Variants in LRRC37A2 observed in about 807,000 individuals in gnomAD.
LRRC37A2 encodes the protein leucine-rich repeat-containing protein 37A2.
LRRC37A2 carries 9 observed loss-of-function variants against 68.8 expected under a neutral mutation model. The observed-to-expected ratio is 0.13, with a 90% CI of 0.08 to 0.23. The LOEUF is 0.23. Ranked by LOEUF, LRRC37A2 falls within the 10% of genes least tolerant of loss-of-function variation. The pLI, the probability that LRRC37A2 is intolerant of heterozygous loss-of-function variation, is 1.00. For synonymous variants in LRRC37A2, 63 were observed against 367.6 expected, an observed-to-expected ratio of 0.17 and a Z score of 9.48; for missense variants, 168 against 950.4, an observed-to-expected ratio of 0.18 and a Z score of 10.82.
the LRRC37A2 span, chr17:46,728,833 C>T: frequency 6.6e-7 from 1 of 1,512,888 alleles, no homozygotes; most frequent in East Asian, 2.3e-5. Context: ...AATCCCTAAA[C>T]ATAATAATGT....
chr17:46,735,907 T>C, the LRRC37A2 span, among the ~76,000 whole-genome samples: 1 of 152,160 alleles, frequency 6.6e-6, no homozygotes, highest in Admixed American at 6.5e-5. Flanking sequence ...ATTGTACCAC[T>C]GCACTCCATC....
chr17:46,493,425 G>T, the LRRC37A2 span, among the ~76,000 whole-genome samples: 3 of 132,778 alleles, frequency 2.3e-5, no homozygotes, highest in Admixed American at 1.5e-4. Flanking sequence ...GCCTCCCAAA[G>T]TGCTGAGATT....
chr17:46,960,618 C>G, the LRRC37A2 span, among the ~76,000 whole-genome samples: 1 of 152,074 alleles, frequency 6.6e-6, no homozygotes, highest in Non-Finnish European at 1.5e-5. Context: ...CAACTGAAGA[C>G]AGATAAAAAT....
At chr17:46,500,573 C>G in the LRRC37A2 span, among the ~76,000 whole-genome samples, 1 of 150,586 alleles carries the variant, frequency 6.6e-6, no homozygotes, top group Non-Finnish European at 1.5e-5. Context: ...TAGAAATCAC[C>G]TGAAGATTGT....
the LRRC37A2 span, among the ~76,000 whole-genome samples, chr17:46,853,776 C>G: frequency 6.6e-6 from 1 of 152,134 alleles, no homozygotes; most frequent in Non-Finnish European, 1.5e-5. Flanking sequence ...TATCCTCTTA[C>G]ACACTGGCTC....
At chr17:47,023,484 C>A in the LRRC37A2 span, among the ~76,000 whole-genome samples, 2 of 152,186 alleles carry the variant, frequency 1.3e-5, no homozygotes, top group Admixed American at 6.5e-5. Context: ...AGTTTGAGAC[C>A]AGCCTGGCCG....
the LRRC37A2 span, among the ~76,000 whole-genome samples, chr17:46,994,458 G>T: frequency 6.6e-6 from 1 of 152,106 alleles, no homozygotes; most frequent in Non-Finnish European, 1.5e-5. Context: ...CAGGAAGAAA[G>T]GAATGGGGGA....
the LRRC37A2 span, among the ~76,000 whole-genome samples, chr17:46,785,637 G>C: frequency 6.6e-6 from 1 of 152,244 alleles, no homozygotes; most frequent in African/African-American, 2.4e-5. Flanking sequence ...GGCCTTCCGA[G>C]GAGGTGGCAC....
the LRRC37A2 span, among the ~76,000 whole-genome samples, chr17:47,022,537 T>C: frequency 6.6e-6 from 1 of 152,118 alleles, no homozygotes; most frequent in Non-Finnish European, 1.5e-5. Context: ...TGTGCCCTAC[T>C]CCCTCATCCC....
At chr17:46,521,755 T>C (rs1431400000) in intron 4 of LRRC37A2, among the ~76,000 whole-genome samples, 1 of 54,842 alleles carries the variant, frequency 1.8e-5, no homozygotes, top group African/African-American at 6.6e-5. Flanking sequence ...TACTCTAAAC[T>C]TGCAAAAGGA....
At chr17:46,835,875 T>A in the LRRC37A2 span, among the ~76,000 whole-genome samples, 2 of 152,202 alleles carry the variant, frequency 1.3e-5, no homozygotes, top group Non-Finnish European at 2.9e-5. Flanking sequence ...TGAGCTACCT[T>A]CACTAAAGAA....
chr17:46,601,750 T>A, the LRRC37A2 span, among the ~76,000 whole-genome samples: 1 of 150,602 alleles, frequency 6.6e-6, no homozygotes, highest in Non-Finnish European at 1.5e-5. Flanking sequence ...AATAACACTG[T>A]TTTAATTGCT....
the LRRC37A2 span, among the ~76,000 whole-genome samples, chr17:46,708,974 G>A: frequency 1.6e-4 from 24 of 151,096 alleles, no homozygotes; most frequent in Non-Finnish European, 3.0e-4. Flanking sequence ...GCAGGCTTGC[G>A]CCACCATGCC....
the LRRC37A2 span, chr17:46,936,369 C>T: frequency 1.0e-6 from 1 of 985,356 alleles, no homozygotes; most frequent in South Asian, 4.7e-5. Flanking sequence ...TCAAGTCTGG[C>T]AGCGCTGGGG....
At chr17:46,806,880 G>A in the LRRC37A2 span, among the ~76,000 whole-genome samples, 2 of 152,220 alleles carry the variant, frequency 1.3e-5, no homozygotes. Context: ...TGGCCCTCAC[G>A]ATGGCTGCTG....
chr17:46,983,235 G>A, the LRRC37A2 span, among the ~76,000 whole-genome samples: 6 of 151,422 alleles, frequency 4.0e-5, no homozygotes, highest in Admixed American at 4.0e-4. Context: ...GACCCCATCT[G>A]GCCTGGACCT....
chr17:46,761,905 A>G, the LRRC37A2 span, among the ~76,000 whole-genome samples: 18 of 152,334 alleles, frequency 1.2e-4, no homozygotes, highest in Non-Finnish European at 1.0e-4. Context: ...TCCCCAGAGC[A>G]TGCCCACTGG....
chr17:46,526,438 A>C lies in LRRC37A2; in HGVS notation c.2906+2554A>C, dbSNP rs1486035589. Among the ~76,000 whole-genome samples the C allele has an allele frequency of 1.8e-4, 19 of 103,196 alleles. 4 individuals carry two copies. Among genetic ancestry groups the C allele is most frequent in the Admixed American group, 1.2e-3 (13 of 11,276 alleles). The allele number at this position is 103,196 out of a possible 152,430, so 67.7% of individuals were successfully genotyped here. ...GGTTGATCGATGATGAATAGAGCCT[A>C]ACCTTCCAGGCTTCTCACTTGCACA... On this transcript the variant is annotated intron_variant, in intron 6 of 14. Transcript: ENST00000576629.
At chr17:46,733,127 A>T in the LRRC37A2 span, among the ~76,000 whole-genome samples, 1 of 152,326 alleles carries the variant, frequency 6.6e-6, no homozygotes, top group South Asian at 2.1e-4. Context: ...TTCCAGTGAG[A>T]TTCCTAACGC....
Sources: allele counts gnomAD v4.1 joint callset (sites outside exome capture counted in the v4.1 genomes callset), GRCh38; gene constraint gnomAD v4.1.1; transcripts MANE v1.5; gene names NCBI Gene and HGNC (gene_info 2026-07-23, HGNC 2026-07-21).